Variants in GABBR2 observed in about 807,000 individuals in gnomAD.
The protein encoded by GABBR2 is G-protein coupled receptor 51.
In GABBR2, 23 loss-of-function variants were observed where a neutral mutation model predicts 105.6. The observed-to-expected ratio is 0.22, with a 90% CI of 0.16 to 0.31. The LOEUF (loss-of-function observed/expected upper bound fraction) is 0.31, where lower values mean the gene tolerates loss of function less well. Ranked by LOEUF, GABBR2 falls within the 10% of genes least tolerant of loss-of-function variation. GABBR2 has a pLI of 1.00. For missense variants in GABBR2, 734 were observed against 1,245.5 expected, an observed-to-expected ratio of 0.59 and a Z score of 6.18; for synonymous variants, 478 against 499.7, an observed-to-expected ratio of 0.96 and a Z score of 0.58.
intron 1 of GABBR2, among the ~76,000 whole-genome samples, chr9:98,603,243 C>T (rs916351709): frequency 6.6e-6 from 1 of 152,208 alleles, no homozygotes; most frequent in Non-Finnish European, 1.5e-5. Context: ...TCCCCAAAGG[C>T]TGGAAATCAT....
chr9:98,512,924 C>T (rs1216250121), intron 3 of GABBR2, among the ~76,000 whole-genome samples: 1 of 151,878 alleles, frequency 6.6e-6, no homozygotes, highest in Non-Finnish European at 1.5e-5. Flanking sequence ...TCATATGGAA[C>T]CAAAAAAGAG....
Position 98,562,516 on chromosome 9 carries a change from T to C in GABBR2, c.459+15419A>G, listed in dbSNP as rs1250716074. Among the ~76,000 whole-genome samples the C allele has an allele frequency of 3.9e-5, 6 of 152,156 alleles. No homozygotes were observed. The East Asian group carries it at 1.2e-3, about 29-fold the overall frequency. ...TCTTAGGAGATGCATGCTAATGTATTAGGGGTGAAGTGTCATTGTGTGTGC... is the reference window on the plus strand; with the variant it reads ...TCTTAGGAGATGCATGCTAATGTATCAGGGGTGAAGTGTCATTGTGTGTGC... On this transcript the variant is annotated intron_variant, in intron 2 of 18. Transcript: ENST00000259455.
chr9:98,566,602 G>A (rs1280911530), intron 2 of GABBR2, among the ~76,000 whole-genome samples: 1 of 152,090 alleles, frequency 6.6e-6, no homozygotes, highest in African/African-American at 2.4e-5. Context: ...TTGAACCCAG[G>A]AGGTGGAGCT....
intron 3 of GABBR2, among the ~76,000 whole-genome samples, chr9:98,513,465 A>G (rs542069857): frequency 6.6e-6 from 1 of 152,148 alleles, no homozygotes; most frequent in Non-Finnish European, 1.5e-5. Flanking sequence ...CAGAGTGAAC[A>G]GGCAACCTAC....
chr9:98,584,324 A>G (rs1437083736), intron 1 of GABBR2, among the ~76,000 whole-genome samples: 1 of 152,160 alleles, frequency 6.6e-6, no homozygotes, highest in Non-Finnish European at 1.5e-5. Context: ...TCTAGCACAT[A>G]GTAGGTGCTC....
At chr9:98,612,765 G>A (rs1564130831) in intron 1 of GABBR2, among the ~76,000 whole-genome samples, 1 of 152,226 alleles carries the variant, frequency 6.6e-6, no homozygotes, top group Admixed American at 6.5e-5. Context: ...TGAGGCTGCA[G>A]GCTTGATGGG....
At chr9:98,598,472 G>A (rs562640852) in intron 1 of GABBR2, among the ~76,000 whole-genome samples, 10 of 152,198 alleles carry the variant, frequency 6.6e-5, no homozygotes, top group East Asian at 1.9e-4. Context: ...GGAGGCTGGC[G>A]GGTGCAGTCA....
intron 11 of GABBR2, among the ~76,000 whole-genome samples, chr9:98,374,504 G>T (rs377385405): frequency 6.6e-6 from 1 of 152,234 alleles, no homozygotes; most frequent in South Asian, 2.1e-4. Context: ...GATAAGAGCA[G>T]CTCACTGTGC....
intron 1 of GABBR2, among the ~76,000 whole-genome samples, chr9:98,637,888 G>A (rs1195455523): frequency 6.6e-6 from 1 of 152,182 alleles, no homozygotes; most frequent in African/African-American, 2.4e-5. Context: ...AGCAGCAAGA[G>A]AAATCTAATG....
chr9:98,474,859 T>G (rs961813918), intron 5 of GABBR2, among the ~76,000 whole-genome samples: 6 of 152,174 alleles, frequency 3.9e-5, no homozygotes. Flanking sequence ...GGCACTCTCC[T>G]CATCCCAAGT....
At chr9:98,706,100 CAAAAAAAACAAAAA>C (rs1267501305) in intron 1 of GABBR2, among the ~76,000 whole-genome samples, 4 of 31,268 alleles carry the variant, frequency 1.3e-4, no homozygotes, top group Non-Finnish European at 3.2e-4. Flanking sequence ...CAAAACAAAA[CAAAAAAAACAAAAA>C]AAAAAAAAAA....
intron 2 of GABBR2, among the ~76,000 whole-genome samples, chr9:98,565,350 G>A (rs529444387): frequency 1.3e-5 from 2 of 152,310 alleles, no homozygotes; most frequent in South Asian, 4.1e-4. Flanking sequence ...GACATGGAGG[G>A]GAAACCAGGC....
intron 3 of GABBR2, among the ~76,000 whole-genome samples, chr9:98,535,893 T>C (rs1828169041): frequency 6.6e-6 from 1 of 152,180 alleles, no homozygotes; most frequent in African/African-American, 2.4e-5. Flanking sequence ...CTAATGATAC[T>C]ATAATGATGA....
chr9:98,374,613 T>C (rs1831839946), intron 11 of GABBR2, among the ~76,000 whole-genome samples: 1 of 152,168 alleles, frequency 6.6e-6, no homozygotes, highest in Admixed American at 6.5e-5. Context: ...TGTCGACATA[T>C]CCATCCTCCG....
chr9:98,406,719 A>G (rs1045527259), intron 7 of GABBR2, among the ~76,000 whole-genome samples: 14 of 152,358 alleles, frequency 9.2e-5, no homozygotes, highest in African/African-American at 3.1e-4. Context: ...TGAGCCAGCG[A>G]GACCTGACTA....
chr9:98,392,074 G>T (rs936302164), intron 9 of GABBR2, among the ~76,000 whole-genome samples: 2 of 152,120 alleles, frequency 1.3e-5, no homozygotes, highest in African/African-American at 4.8e-5. Flanking sequence ...CACGGTCTTG[G>T]TAGTGGGGAA....
chr9:98,441,312 C>G (rs913107389), intron 7 of GABBR2, among the ~76,000 whole-genome samples: 5 of 151,974 alleles, frequency 3.3e-5, no homozygotes, highest in Admixed American at 6.6e-5. Flanking sequence ...ATAAGCTCTC[C>G]CATAATAAAT....
At chr9:98,613,245 C>G (rs1020926683) in intron 1 of GABBR2, among the ~76,000 whole-genome samples, 1 of 152,152 alleles carries the variant, frequency 6.6e-6, no homozygotes, top group Non-Finnish European at 1.5e-5. Context: ...TCGAGACCAG[C>G]CTGGGCAACA....
At chr9:98,642,908 C>A (rs761524047) in intron 1 of GABBR2, among the ~76,000 whole-genome samples, 1 of 152,202 alleles carries the variant, frequency 6.6e-6, no homozygotes, top group African/African-American at 2.4e-5. Context: ...GTTTCCCACA[C>A]GAGTCCCTCC....
Sources: allele counts gnomAD v4.1 joint callset (sites outside exome capture counted in the v4.1 genomes callset), GRCh38; gene constraint gnomAD v4.1.1; transcripts MANE v1.5; gene names NCBI Gene and HGNC (gene_info 2026-07-23, HGNC 2026-07-21).